The following EPHA6 variants were observed in gnomAD, a reference collection of about 807,000 sequenced individuals.
The protein encoded by EPHA6 is EPH receptor A6.
EPHA6 carries 50 observed loss-of-function variants against 112.0 expected under a neutral mutation model. That is an observed-to-expected ratio of 0.45 (90% CI 0.36 to 0.56). The LOEUF is 0.56. Ranked by LOEUF, EPHA6 falls within the 20% of genes least tolerant of loss-of-function variation. The pLI, the probability that EPHA6 is intolerant of heterozygous loss-of-function variation, is 0.00. For missense variants in EPHA6, 1,280 were observed against 1,417.4 expected (o/e 0.90, Z 1.56); for synonymous variants, 529 against 490.7 (o/e 1.08, Z -1.03).
chr3:97,440,661 C>T (rs2090089355), intron 6 of EPHA6, among the ~76,000 whole-genome samples: 1 of 151,098 alleles, frequency 6.6e-6, no homozygotes, highest in African/African-American at 2.4e-5. Flanking sequence ...AAATGAAAGA[C>T]ATTAAGATCC....
intron 2 of EPHA6, among the ~76,000 whole-genome samples, chr3:96,903,133 A>T (rs1389204288): frequency 6.6e-6 from 1 of 152,170 alleles, no homozygotes; most frequent in African/African-American, 2.4e-5. Flanking sequence ...GCAAACTTCT[A>T]AAGAAAATGG....
Position 97,484,031 on chromosome 3 carries a change from A to G in EPHA6, c.2172A>G (p.Arg724=), listed in dbSNP as rs768553988. Residue 724 remains arginine, a synonymous_variant, in exon 10 of 18, where the codon AGA becomes AGG. Transcript: ENST00000389672. ...HEFAKEIDPS[R]IRIERVIGAG... ...TTGCAAAGGAGATTGATCCCTCAAG[A>G]ATTCGTATTGAGAGAGTCATTGGGG... 1.5e-5 allele frequency: 24 copies of G among 1,608,448 alleles called. No individual in the cohort carries two copies. The African/African-American group carries it at 3.2e-4, about 22-fold the overall frequency.
At chr3:97,169,725 T>A (rs2076640511) in intron 3 of EPHA6, among the ~76,000 whole-genome samples, 1 of 152,216 alleles carries the variant, frequency 6.6e-6, no homozygotes, top group South Asian at 2.1e-4. Context: ...TTTTCCTTTT[T>A]CTCATTTTAC....
chr3:97,545,636 C>T (rs931724833), intron 11 of EPHA6, among the ~76,000 whole-genome samples: 2 of 152,044 alleles, frequency 1.3e-5, no homozygotes, highest in South Asian at 2.1e-4. Context: ...CTTTCTGTCT[C>T]GTTTATCTGT....
chr3:97,001,025 T>C (rs1229213683), intron 3 of EPHA6, among the ~76,000 whole-genome samples: 1 of 148,678 alleles, frequency 6.7e-6, no homozygotes, highest in Non-Finnish European at 1.5e-5. Flanking sequence ...TTGATATATA[T>C]ATATATGCAT....
rs1316293023 is a variant in EPHA6, at chr3:97,749,135, G to C, written c.*434G>C. 4 of 234,508 alleles carry C rather than the reference G, an allele frequency of 1.7e-5. No individual in the cohort carries two copies. The East Asian group carries it at 2.4e-4, about 14-fold the overall frequency. The allele number at this position is 234,508 out of a possible 1,614,324, so 14.5% of individuals were successfully genotyped here. A position where few individuals can be genotyped will look rare whatever the true frequency, so the allele number is the denominator to read the frequency against. On this transcript the variant is annotated 3_prime_UTR_variant, in exon 18 of 18. Coordinates refer to ENST00000389672, the MANE Select transcript of EPHA6 (RefSeq NM_001080448.3). ...AAGTAGCTTCCAAACTGACAGAAAT[G>C]TTTCATTTTTAGATAATTATATTCA...
At chr3:97,421,354 C>A (rs188354781) in intron 6 of EPHA6, among the ~76,000 whole-genome samples, 1 of 151,908 alleles carries the variant, frequency 6.6e-6, no homozygotes. Context: ...CATTTCTATA[C>A]GTCAGCATCA....
At chr3:96,896,454 G>C (rs924459204) in intron 2 of EPHA6, among the ~76,000 whole-genome samples, 6 of 152,080 alleles carry the variant, frequency 3.9e-5, no homozygotes, top group African/African-American at 1.4e-4. Flanking sequence ...CAATGAAATG[G>C]TGTAAAAAGT....
At chr3:96,842,792 G>A (rs2034828262) in intron 1 of EPHA6, among the ~76,000 whole-genome samples, 1 of 151,954 alleles carries the variant, frequency 6.6e-6, no homozygotes, top group Admixed American at 6.6e-5. Context: ...AAAATCAGCA[G>A]CATCATTTTG....
chr3:97,493,092 A>G (rs2091892419), intron 10 of EPHA6, among the ~76,000 whole-genome samples: 1 of 150,800 alleles, frequency 6.6e-6, no homozygotes, highest in Non-Finnish European at 1.5e-5. Flanking sequence ...GTGATTAAAG[A>G]AAAGAGGAAA....
chr3:97,741,455 AAT>A (rs2035501810), intron 16 of EPHA6, among the ~76,000 whole-genome samples: 1 of 152,116 alleles, frequency 6.6e-6, no homozygotes, highest in Admixed American at 6.6e-5. Flanking sequence ...ACAAACTCTT[AAT>A]ATATATTATC....
At chr3:96,991,733 A>C (rs1334664056) in intron 3 of EPHA6, among the ~76,000 whole-genome samples, 18 of 152,186 alleles carry the variant, frequency 1.2e-4, no homozygotes, top group Non-Finnish European at 1.5e-5. Context: ...AGCATGTTGA[A>C]ATCAGTTCCA....
intron 13 of EPHA6, among the ~76,000 whole-genome samples, chr3:97,623,351 GAA>G (rs1176985470): frequency 6.6e-6 from 1 of 151,658 alleles, no homozygotes; most frequent in Non-Finnish European, 1.5e-5. Context: ...ATCATTTATT[GAA>G]AAGACTGTAC....
chr3:97,663,590 T>A (rs2107639367), intron 14 of EPHA6, among the ~76,000 whole-genome samples: 1 of 151,420 alleles, frequency 6.6e-6, no homozygotes, highest in East Asian at 2.0e-4. Flanking sequence ...TGGTGTTTGG[T>A]TTTTTGTCCT....
intron 5 of EPHA6, among the ~76,000 whole-genome samples, chr3:97,352,170 T>G (rs9871319): frequency 0.022 from 3,282 of 152,226 alleles, 136 homozygotes; most frequent in African/African-American, 0.075. Context: ...TATTTTTTTT[T>G]AATGATTGGT....
At chr3:97,681,510 A>T (rs1053107686) in intron 14 of EPHA6, among the ~76,000 whole-genome samples, 1 of 152,104 alleles carries the variant, frequency 6.6e-6, no homozygotes, top group Non-Finnish European at 1.5e-5. Flanking sequence ...CATAGCATGG[A>T]TACTATGCAG....
chr3:96,967,939 T>G (rs1286032520), intron 2 of EPHA6, among the ~76,000 whole-genome samples: 2 of 151,872 alleles, frequency 1.3e-5, no homozygotes, highest in East Asian at 1.9e-4. Flanking sequence ...TAGCAATTAT[T>G]GTTTGACAAT....
chr3:97,024,503 C>A (rs1016842523), intron 3 of EPHA6, among the ~76,000 whole-genome samples: 4 of 152,056 alleles, frequency 2.6e-5, no homozygotes, highest in African/African-American at 9.7e-5. Context: ...TTTAAGTTCC[C>A]AAACATGAAG....
intron 5 of EPHA6, among the ~76,000 whole-genome samples, chr3:97,272,334 A>T (rs867908097): frequency 3.6e-4 from 54 of 150,860 alleles, no homozygotes; most frequent in African/African-American, 1.3e-3. Flanking sequence ...GTGTGTGTGT[A>T]CATACATATG....
Sources: allele counts gnomAD v4.1 joint callset (sites outside exome capture counted in the v4.1 genomes callset), GRCh38; gene constraint gnomAD v4.1.1; transcripts MANE v1.5; gene names NCBI Gene and HGNC (gene_info 2026-07-23, HGNC 2026-07-21).